The following GRM7 variants were observed in gnomAD, a reference collection of about 807,000 sequenced individuals.
The protein encoded by GRM7 is metabotropic glutamate receptor 7.
GRM7 carries 35 observed loss-of-function variants against 84.5 expected under a neutral mutation model. The ratio of observed to expected loss-of-function variants is 0.41; its 90% confidence interval spans 0.32 to 0.55. The LOEUF (loss-of-function observed/expected upper bound fraction) is 0.55. Among genes scored for constraint, GRM7 ranks in the 20% least tolerant of loss-of-function variants. The probability of loss-of-function intolerance (pLI) is 0.19; values close to 1 mark genes in which losing one functional copy is unlikely to be tolerated. For synonymous variants in GRM7, 487 were observed against 455.1 expected (o/e 1.07, Z -0.89); for missense variants, 1,003 against 1,194.6 (o/e 0.84, Z 2.36).
intron 8 of GRM7, among the ~76,000 whole-genome samples, chr3:7,654,542 A>G (rs1009669004): frequency 1.3e-5 from 2 of 152,182 alleles, no homozygotes; most frequent in African/African-American, 4.8e-5. Context: ...GAACACTTCT[A>G]TTTTATTACT....
chr3:7,253,332 A>G (rs937746501), intron 2 of GRM7, among the ~76,000 whole-genome samples: 41 of 152,140 alleles, frequency 2.7e-4, no homozygotes, highest in African/African-American at 9.2e-4. Flanking sequence ...CATTTTACAT[A>G]TTTAAGTTCA....
intron 2 of GRM7, among the ~76,000 whole-genome samples, chr3:7,241,747 T>C (rs1697566475): frequency 6.6e-6 from 1 of 152,122 alleles, no homozygotes; most frequent in African/African-American, 2.4e-5. Flanking sequence ...TACTTCAGGT[T>C]TGCCAGCAAA....
chr3:7,302,058 A>G (rs1014531868), intron 3 of GRM7, among the ~76,000 whole-genome samples: 2 of 152,126 alleles, frequency 1.3e-5, no homozygotes, highest in Admixed American at 6.5e-5. Context: ...ACACATGCTC[A>G]TTGTAAATCC....
intron 2 of GRM7, among the ~76,000 whole-genome samples, chr3:7,246,506 C>G (rs559680956): frequency 2.0e-5 from 3 of 152,254 alleles, no homozygotes; most frequent in East Asian, 3.9e-4. Flanking sequence ...GTTGTCATCA[C>G]TTGGTAGATC....
intron 2 of GRM7, among the ~76,000 whole-genome samples, chr3:7,237,052 T>C (rs1697372417): frequency 1.3e-5 from 2 of 152,200 alleles, no homozygotes; most frequent in South Asian, 4.1e-4. Context: ...CTTGTGTATA[T>C]GTAAACCCAT....
chr3:7,423,739 G>A (rs1179036650), intron 5 of GRM7, among the ~76,000 whole-genome samples: 31 of 140,508 alleles, frequency 2.2e-4, no homozygotes, highest in Admixed American at 2.1e-3. Context: ...AGAATAAAAT[G>A]TGATCACAAA....
At chr3:7,300,818 A>G (rs552613503) in intron 3 of GRM7, among the ~76,000 whole-genome samples, 1 of 151,020 alleles carries the variant, frequency 6.6e-6, no homozygotes, top group South Asian at 2.1e-4. Context: ...TTATTGTTGG[A>G]TTGTTTAATT....
chr3:7,413,543 C>T (rs1164761500), intron 4 of GRM7, among the ~76,000 whole-genome samples: 1 of 152,184 alleles, frequency 6.6e-6, no homozygotes, highest in Non-Finnish European at 1.5e-5. Context: ...TTTGAATTGT[C>T]TGAGAGGAGC....
intron 2 of GRM7, among the ~76,000 whole-genome samples, chr3:7,220,163 G>A (rs1201207149): frequency 6.6e-6 from 1 of 152,150 alleles, no homozygotes; most frequent in African/African-American, 2.4e-5. Context: ...CAAAGTTACA[G>A]CATCATTTCT....
chr3:7,131,305 A>G (rs1267420864), intron 1 of GRM7, among the ~76,000 whole-genome samples: 7 of 152,090 alleles, frequency 4.6e-5, no homozygotes, highest in Non-Finnish European at 1.5e-5. Flanking sequence ...TAAACAATCA[A>G]TGACACTTCG....
chr3:7,608,123 A>G (rs1306818931), intron 8 of GRM7: 5 of 199,588 alleles, frequency 2.5e-5, no homozygotes, highest in East Asian at 3.3e-4. Context: ...TTCTTTATCC[A>G]CTCTGTCACT....
At chr3:7,356,217 ACTTCT>A (rs1431521007) in intron 4 of GRM7, among the ~76,000 whole-genome samples, 1 of 152,072 alleles carries the variant, frequency 6.6e-6, no homozygotes, top group East Asian at 1.9e-4. Context: ...ATATGAATAG[ACTTCT>A]CTGAGTGGGC....
At chr3:7,116,268 A>T (rs1366103259) in intron 1 of GRM7, among the ~76,000 whole-genome samples, 2 of 152,162 alleles carry the variant, frequency 1.3e-5, no homozygotes, top group Non-Finnish European at 2.9e-5. Context: ...TACTGGTTTT[A>T]CCATAAGTTG....
At chr3:7,245,626 A>G (rs949896113) in intron 2 of GRM7, among the ~76,000 whole-genome samples, 4 of 152,080 alleles carry the variant, frequency 2.6e-5, no homozygotes, top group African/African-American at 4.8e-5. Flanking sequence ...ACTGTCAAAT[A>G]TGAAAGTTGG....
In GRM7 at chr3:7,699,806, A is replaced by C. The variant is rs79757486; in HGVS notation, c.2698+19511A>C. Among the ~76,000 whole-genome samples the C allele has an allele frequency of 9.0e-3, 1,371 of 152,288 alleles. 20 individuals are homozygous for C. The highest frequency in any genetic ancestry group is 0.028 in the South Asian group (137 of 4,826). On this transcript the variant is annotated intron_variant, in intron 9 of 9. Coordinates refer to ENST00000357716, the MANE Select transcript of GRM7 (RefSeq NM_000844.4). ...ATACAAGTTTTTCTTTAAAAAAATA[A>C]CCTGATTGCCTAACAAAAGTTATCT... is the stretch of plus-strand genomic sequence containing the variant.
intron 2 of GRM7, among the ~76,000 whole-genome samples, chr3:7,147,012 T>C (rs1694132029): frequency 1.3e-5 from 2 of 152,334 alleles, no homozygotes; most frequent in South Asian, 4.1e-4. Flanking sequence ...AGACTCTTCC[T>C]CTCTGCCTCT....
chr3:7,683,102 C>A (rs1700444442), intron 9 of GRM7, among the ~76,000 whole-genome samples: 1 of 152,098 alleles, frequency 6.6e-6, no homozygotes, highest in Non-Finnish European at 1.5e-5. Context: ...AGGAACTATG[C>A]TTTTGGTTTC....
chr3:6,961,918 AT>A (rs1280779413), intron 1 of GRM7, among the ~76,000 whole-genome samples: 3 of 152,206 alleles, frequency 2.0e-5, no homozygotes, highest in Non-Finnish European at 2.9e-5. Flanking sequence ...CTAAAAAAAA[AT>A]AAAATAAACT....
At chr3:7,094,260 G>T (rs892372853) in intron 1 of GRM7, among the ~76,000 whole-genome samples, 1 of 152,142 alleles carries the variant, frequency 6.6e-6, no homozygotes, top group Admixed American at 6.5e-5. Flanking sequence ...TAAAGAATGA[G>T]TATAAGAGAT....
Sources: gnomAD v4.1 joint callset for allele counts (sites outside exome capture counted in the v4.1 genomes callset) on GRCh38, gnomAD v4.1.1 for gene constraint, MANE v1.5 for transcripts, NCBI Gene and HGNC (gene_info 2026-07-23, HGNC 2026-07-21) for gene names.